Variants in RGS9 observed in about 807,000 individuals in gnomAD.
RGS9 encodes regulator of G-protein signalling 9.
In RGS9, 78 loss-of-function variants were observed where a neutral mutation model predicts 102.0. The ratio of observed to expected loss-of-function variants is 0.76; its 90% CI spans 0.64 to 0.92. RGS9 has a LOEUF of 0.92. RGS9 is among the 40% of genes least tolerant of loss of function. The pLI is 0.00. For missense variants in RGS9, 833 were observed against 866.1 expected, an observed-to-expected ratio of 0.96 and a Z score of 0.48; for synonymous variants, 353 against 318.6, an observed-to-expected ratio of 1.11 and a Z score of -1.15.
chr17:65,153,429 C>T lies in RGS9; in HGVS notation c.65C>T (p.Ala22Val), dbSNP rs765793690. The T allele has an allele frequency of 1.2e-5, 19 of 1,613,804 alleles. No individual in the cohort carries two copies. The highest frequency in any genetic ancestry group is 5.5e-5 in the South Asian group (5 of 91,080). ...PRMAFLQKIE[A>V]LVKDMQNPET... ...TCCTGTTCTGTCTTGCAGATTGAAG[C>T]GCTCGTGAAGGACATGCAGAACCCA... is the stretch of plus-strand genomic sequence containing the variant. Residue 22 changes from alanine to valine, a missense_variant, in exon 2 of 19, where the codon GCG (alanine) becomes GTG (valine). By Grantham distance (64) the Ala-to-Val change is moderately conservative. This residue lies in a region of RGS9 where 328 missense variants were observed against 340.6 expected (regional missense o/e 0.96). Coordinates refer to ENST00000262406, the MANE Select transcript of RGS9 (RefSeq NM_003835.4).
At chr17:65,167,620 C>T (rs1423148778) in intron 7 of RGS9, among the ~76,000 whole-genome samples, 1 of 152,242 alleles carries the variant, frequency 6.6e-6, no homozygotes, top group Non-Finnish European at 1.5e-5. Flanking sequence ...CCCAGGCCAG[C>T]ATCTTCCTTG....
intron 13 of RGS9, among the ~76,000 whole-genome samples, chr17:65,198,993 C>A (rs531812675): frequency 1.6e-4 from 24 of 152,292 alleles, no homozygotes; most frequent in East Asian, 9.6e-4. Flanking sequence ...ATCTCCCCCC[C>A]ACTAATTCCT....
intron 5 of RGS9, 75 bp from the exon 6 acceptor site, chr17:65,160,776 A>C: frequency 1.3e-6 from 2 of 1,513,518 alleles, no homozygotes; most frequent in Non-Finnish European, 9.2e-7. Context: ...TGAGCACAGC[A>C]GCCTCAGGCT....
At chr17:65,214,113 C>T (rs1396584286) in intron 17 of RGS9, among the ~76,000 whole-genome samples, 2 of 152,156 alleles carry the variant, frequency 1.3e-5, no homozygotes, top group African/African-American at 4.8e-5. Context: ...AGGTGTGCGC[C>T]ACCAGGCTTG....
chr17:65,205,669 G>A (rs548806483), intron 15 of RGS9, among the ~76,000 whole-genome samples: 1 of 151,784 alleles, frequency 6.6e-6, no homozygotes, highest in Non-Finnish European at 1.5e-5. Flanking sequence ...TAGGCTATAT[G>A]AGATAGATTA....
intron 2 of RGS9, 140 bp from the exon 3 acceptor site, chr17:65,158,155 G>T: frequency 1.3e-6 from 1 of 799,344 alleles, no homozygotes; most frequent in South Asian, 1.4e-5. Context: ...GCATGATGAG[G>T]TGGGGGTTTC....
At chr17:65,154,303 A>G (rs1424687444) in intron 2 of RGS9, among the ~76,000 whole-genome samples, 1 of 152,140 alleles carries the variant, frequency 6.6e-6, no homozygotes, top group Non-Finnish European at 1.5e-5. Context: ...CAAGACTCCC[A>G]CAAAGCTGAA....
chr17:65,176,505 C>A (rs933379291), intron 8 of RGS9, among the ~76,000 whole-genome samples: 2 of 152,190 alleles, frequency 1.3e-5, no homozygotes, highest in African/African-American at 4.8e-5. Context: ...GGCACCCAGA[C>A]GTGCCTGACA....
chr17:65,197,306 A>C (rs1010680589), intron 13 of RGS9, 65 bp downstream of exon 13: 9 of 1,070,646 alleles, frequency 8.4e-6, no homozygotes, highest in Non-Finnish European at 1.3e-5. Flanking sequence ...TTTAATGTCT[A>C]GCCTAGGGTT....
intron 11 of RGS9, among the ~76,000 whole-genome samples, chr17:65,191,974 G>A (rs575584073): frequency 3.2e-4 from 49 of 152,294 alleles, no homozygotes; most frequent in African/African-American, 1.1e-3. Context: ...CCCCACCTAC[G>A]GGGAGGAGGC....
At chr17:65,159,563 G>T (rs1171780440) in intron 3 of RGS9, among the ~76,000 whole-genome samples, 2 of 152,124 alleles carry the variant, frequency 1.3e-5, no homozygotes, top group African/African-American at 4.8e-5. Context: ...CCTTGGGCTG[G>T]GGGGTCCTGC....
At chr17:65,137,623 C>T (rs1277930745) in intron 1 of RGS9, 26 bp downstream of exon 1, 2 of 1,611,822 alleles carry the variant, frequency 1.2e-6, no homozygotes, top group African/African-American at 1.3e-5. Flanking sequence ...CACCTGGACC[C>T]TGGGAGGAGG....
At chr17:65,146,393 TC>T (rs1910361479) in intron 1 of RGS9, among the ~76,000 whole-genome samples, 1 of 150,520 alleles carries the variant, frequency 6.6e-6, no homozygotes, top group Admixed American at 6.7e-5. Flanking sequence ...ATCAAGACCA[TC>T]CTGGCAAACC....
At chr17:65,177,862 T>C (rs1567874227) in intron 9 of RGS9, 59 bp downstream of exon 9, 1 of 1,305,130 alleles carries the variant, frequency 7.7e-7, no homozygotes, top group Non-Finnish European at 1.1e-6. Flanking sequence ...GCTGGGAAGG[T>C]GTCCACATGT....
At chr17:65,186,824 G>A (rs1444840001) in intron 9 of RGS9, among the ~76,000 whole-genome samples, 1 of 152,170 alleles carries the variant, frequency 6.6e-6, no homozygotes, top group Admixed American at 6.5e-5. Context: ...AGTATAAATT[G>A]CTTTGCAGTA....
At chr17:65,193,708 T>C in intron 12 of RGS9, 52 bp downstream of exon 12, 1 of 1,058,372 alleles carries the variant, frequency 9.4e-7, no homozygotes, top group South Asian at 1.3e-5. Flanking sequence ...TGAGTTACAA[T>C]TCACATGCCA....
chr17:65,176,582 C>G (rs1215102107), intron 8 of RGS9, among the ~76,000 whole-genome samples: 1 of 152,202 alleles, frequency 6.6e-6, no homozygotes, highest in Admixed American at 6.5e-5. Context: ...GATGAAACCA[C>G]AGAGTGTGGG....
chr17:65,152,324 G>A (rs1371487180), intron 1 of RGS9, among the ~76,000 whole-genome samples: 2 of 152,214 alleles, frequency 1.3e-5, no homozygotes, highest in Non-Finnish European at 2.9e-5. Context: ...AGCCGGTGGG[G>A]AGTGGGTAAG....
At position 65,196,997 on chromosome 17, in the gene RGS9, A is replaced by G. The variant is rs1269855809; in HGVS notation, c.861-129A>G. 3 of 713,636 alleles carry G rather than the reference A, an allele frequency of 4.2e-6. No homozygotes were observed. In the East Asian group the frequency reaches 8.1e-5, roughly 19 times the overall value. The allele number at this position is 713,636 out of a possible 1,614,324, so 44.2% of individuals were successfully genotyped here. On this transcript the variant is annotated intron_variant, in intron 12 of 18. Transcript: ENST00000262406. ...CAAGTGATTACTTGGCTTGTGTGTTATGCAGGGATTGGGAGGAGGAGGATT... is the reference window on the plus strand; with the variant it reads ...CAAGTGATTACTTGGCTTGTGTGTTGTGCAGGGATTGGGAGGAGGAGGATT...
Sources: allele counts gnomAD v4.1 joint callset (sites outside exome capture counted in the v4.1 genomes callset), GRCh38; gene constraint gnomAD v4.1.1; regional missense constraint gnomAD v4.1.1; transcripts MANE v1.5; gene names NCBI Gene and HGNC (gene_info 2026-07-23, HGNC 2026-07-21).